Variants in DLGAP1 observed in about 807,000 individuals in gnomAD.
The protein encoded by DLGAP1 is disks large-associated protein 1.
In DLGAP1, 11 loss-of-function variants were observed where a neutral mutation model predicts 90.8. That is an observed-to-expected ratio of 0.12 (90% CI 0.08 to 0.20). The LOEUF is 0.20. Ranked by LOEUF, DLGAP1 falls within the 10% of genes least tolerant of loss-of-function variation. DLGAP1 has a pLI of 1.00. For missense variants in DLGAP1, 1,050 were observed against 1,333.8 expected, an observed-to-expected ratio of 0.79 and a Z score of 3.31; for synonymous variants, 558 against 540.7, an observed-to-expected ratio of 1.03 and a Z score of -0.44.
chr18:3,509,666 T>A (rs1220351059), intron 10 of DLGAP1, among the ~76,000 whole-genome samples: 1 of 152,166 alleles, frequency 6.6e-6, no homozygotes, highest in African/African-American at 2.4e-5. Flanking sequence ...ATTTAAGCAA[T>A]CCTGTTGTTC....
chr18:4,061,548 C>G (rs1039701803), intron 2 of DLGAP1, among the ~76,000 whole-genome samples: 1 of 152,014 alleles, frequency 6.6e-6, no homozygotes, highest in African/African-American at 2.4e-5. Context: ...AAAATCTTAT[C>G]TTATGGTCAA....
intron 3 of DLGAP1, among the ~76,000 whole-genome samples, chr18:3,987,547 C>A (rs2073867857): frequency 6.6e-6 from 1 of 152,210 alleles, no homozygotes; most frequent in African/African-American, 2.4e-5. Flanking sequence ...TTCGAACTCA[C>A]TTCACCCACA....
intron 7 of DLGAP1, among the ~76,000 whole-genome samples, chr18:3,620,325 G>A (rs2058049363): frequency 6.6e-6 from 1 of 151,972 alleles, no homozygotes; most frequent in Non-Finnish European, 1.5e-5. Flanking sequence ...AAGGAACACA[G>A]GCAGCCTCTA....
intron 1 of DLGAP1, among the ~76,000 whole-genome samples, chr18:4,265,655 CCCTCCCTCCCTT>C (rs1418116029): frequency 1.1e-4 from 6 of 55,564 alleles, no homozygotes; most frequent in East Asian, 5.9e-4. Flanking sequence ...CTCCCTCCCT[CCCTCCCTCCCTT>C]CCTTCCTTCC....
intron 5 of DLGAP1, among the ~76,000 whole-genome samples, chr18:3,810,315 C>A (rs1356334060): frequency 6.6e-6 from 1 of 151,980 alleles, no homozygotes; most frequent in South Asian, 2.1e-4. Flanking sequence ...GAAAAACCAC[C>A]CACATAAATA....
rs530461870 is a variant in DLGAP1 at position 3,964,264 on chromosome 18, A to T, written c.-73+40852T>A. On this transcript the variant is annotated intron_variant, in intron 3 of 12. Transcript: ENST00000315677. ...TTGGCAGAATTTATGTGATTTAGGG[A>T]TCTATTTATCATTAGTGGAAAGGCA... Among the ~76,000 whole-genome samples, 7 of 152,300 alleles carry T rather than the reference A, an allele frequency of 4.6e-5. No homozygotes were observed. In the East Asian group the frequency reaches 1.3e-3, roughly 29 times the overall value.
chr18:3,916,505 G>C (rs1166509145), intron 3 of DLGAP1, among the ~76,000 whole-genome samples: 2 of 152,172 alleles, frequency 1.3e-5, no homozygotes, highest in Non-Finnish European at 2.9e-5. Flanking sequence ...TAACCTATAT[G>C]ACTTTGAGGG....
At chr18:3,706,138 A>G (rs893012041) in intron 7 of DLGAP1, among the ~76,000 whole-genome samples, 5 of 151,648 alleles carry the variant, frequency 3.3e-5, no homozygotes, top group Admixed American at 6.6e-5. Flanking sequence ...CTGGGATTAC[A>G]GGCACTCACC....
At chr18:4,100,313 G>A (rs1476430831) in intron 2 of DLGAP1, among the ~76,000 whole-genome samples, 1 of 152,148 alleles carries the variant, frequency 6.6e-6, no homozygotes, top group African/African-American at 2.4e-5. Context: ...AGAGCTCTTG[G>A]GTGAACAGGG....
At chr18:3,942,563 T>A (rs2148950626) in intron 3 of DLGAP1, among the ~76,000 whole-genome samples, 1 of 152,312 alleles carries the variant, frequency 6.6e-6, no homozygotes, top group South Asian at 2.1e-4. Context: ...ACCAAATTTG[T>A]CTTAGGAAGG....
intron 1 of DLGAP1, among the ~76,000 whole-genome samples, chr18:4,401,968 C>T (rs2144533653): frequency 6.6e-6 from 1 of 152,314 alleles, no homozygotes; most frequent in Non-Finnish European, 1.5e-5. Flanking sequence ...AAGGGCCCAG[C>T]AATCTATATT....
chr18:3,560,833 C>T (rs1171600286), intron 9 of DLGAP1, among the ~76,000 whole-genome samples: 1 of 150,446 alleles, frequency 6.6e-6, no homozygotes, highest in Non-Finnish European at 1.5e-5. Context: ...ATTTTCTTTT[C>T]TTTCTTAGCA....
At chr18:4,319,649 C>T (rs1253749866) in intron 1 of DLGAP1, among the ~76,000 whole-genome samples, 1 of 152,092 alleles carries the variant, frequency 6.6e-6, no homozygotes, top group East Asian at 1.9e-4. Flanking sequence ...TGAAAAGGCT[C>T]AAATCTACTT....
At chr18:3,606,059 T>C (rs139070453) in intron 7 of DLGAP1, among the ~76,000 whole-genome samples, 3 of 152,196 alleles carry the variant, frequency 2.0e-5, no homozygotes, top group Non-Finnish European at 4.4e-5. Flanking sequence ...GATGGAGAGA[T>C]ATTCAGATTT....
rs149646307 is a variant in DLGAP1 at position 4,133,503 on chromosome 18, T to C, written c.-159+17677A>G. On this transcript the variant is annotated intron_variant, in intron 2 of 12. Transcript: ENST00000315677. ...CCTGATCCTAATTTACCCAGCTTTATCTCCTGGAGTCTGGTCACCATCGTC... is the reference window on the plus strand; with the variant it reads ...CCTGATCCTAATTTACCCAGCTTTACCTCCTGGAGTCTGGTCACCATCGTC... 3.0e-4 allele frequency among the ~76,000 whole-genome samples: 46 copies of C among 152,256 alleles called. No homozygotes were observed. The East Asian group carries it at 8.5e-3, about 28-fold the overall frequency.
chr18:3,791,634 T>G (rs547946351), intron 5 of DLGAP1, among the ~76,000 whole-genome samples: 4 of 152,236 alleles, frequency 2.6e-5, no homozygotes, highest in African/African-American at 9.6e-5. Flanking sequence ...ATAATCATTA[T>G]GCAATACATG....
At chr18:4,056,839 T>C (rs115885115) in intron 2 of DLGAP1, among the ~76,000 whole-genome samples, 3,368 of 152,256 alleles carry the variant, frequency 0.022, 73 homozygotes, top group African/African-American at 0.052. Flanking sequence ...TTCAAAGGAT[T>C]TTCTAGATGA....
chr18:3,751,553 A>G (rs2063494539), intron 5 of DLGAP1, among the ~76,000 whole-genome samples: 1 of 143,494 alleles, frequency 7.0e-6, no homozygotes, highest in Admixed American at 7.0e-5. Context: ...CTGTGACCCG[A>G]CAAAATTTTT....
intron 2 of DLGAP1, among the ~76,000 whole-genome samples, chr18:4,064,226 C>A (rs2075339321): frequency 2.0e-5 from 3 of 152,014 alleles, no homozygotes; most frequent in Admixed American, 6.6e-5. Flanking sequence ...TTTACACCCT[C>A]CAATCAGTTC....
Sources: allele counts gnomAD v4.1 joint callset (sites outside exome capture counted in the v4.1 genomes callset), GRCh38; gene constraint gnomAD v4.1.1; transcripts MANE v1.5; gene names NCBI Gene and HGNC (gene_info 2026-07-23, HGNC 2026-07-21).